SKAP2: variants seen among roughly 807,000 people sequenced by gnomAD.
SKAP2 encodes src kinase associated phosphoprotein 2, also known as src kinase-associated phosphoprotein 2.
Under a neutral mutation model 54.9 loss-of-function variants are expected in SKAP2, and 28 were observed. The ratio of observed to expected loss-of-function variants is 0.51; its 90% confidence interval spans 0.38 to 0.70. SKAP2 has a LOEUF of 0.70. SKAP2 is among the 30% of genes least tolerant of loss of function. The probability of loss-of-function intolerance (pLI) is 0.00; values close to 1 mark genes in which losing one functional copy is unlikely to be tolerated. For missense variants in SKAP2, 356 were observed against 424.1 expected (o/e 0.84, Z 1.41); for synonymous variants, 137 against 134.3 (o/e 1.02, Z -0.14).
intron 9 of SKAP2, among the ~76,000 whole-genome samples, chr7:26,718,209 G>C (rs1381740678): frequency 6.6e-6 from 1 of 151,716 alleles, no homozygotes; most frequent in Non-Finnish European, 1.5e-5. Context: ...TGAAAGAAAT[G>C]AAAGCAAGGA....
rs541350682 is a variant in SKAP2 at position 26,739,404 on chromosome 7, T to C, written c.385+483A>G. ...CTCCATATTTCATTTCCATTAAATATTGGTGTTGAAAGAGTGAGACCATAT... is the reference window on the plus strand; with the variant it reads ...CTCCATATTTCATTTCCATTAAATACTGGTGTTGAAAGAGTGAGACCATAT... On this transcript the variant is annotated intron_variant, in intron 5 of 12. Coordinates refer to ENST00000345317, the MANE Select transcript of SKAP2 (RefSeq NM_003930.5). Among the ~76,000 whole-genome samples the C allele has an allele frequency of 2.0e-5, 3 of 152,352 alleles. No homozygotes were observed. In the South Asian group the frequency reaches 6.2e-4, roughly 32 times the overall value.
rs373669324 is a variant in SKAP2, at chr7:26,738,835, A to G, written c.429T>C (p.Ala143=). ...LGFEWQKRWC[A]LSKTVFYYYG... is the part of the protein sequence containing the mutation. ...AATAATAGAATACCGTTTTACTGAG[A>G]GCACACCACCGTTTCTGCCATTCAA... is the stretch of plus-strand genomic sequence containing the variant. Residue 143 remains alanine (A), a synonymous_variant, in exon 6 of 13, where the codon GCT becomes GCC. Coordinates refer to ENST00000345317, the MANE Select transcript of SKAP2 (RefSeq NM_003930.5). The G allele has an allele frequency of 1.4e-5, 23 of 1,608,140 alleles. No individual in the cohort carries two copies. The highest frequency in any genetic ancestry group is 1.9e-5 in the Non-Finnish European group (22 of 1,174,988).
At chr7:26,854,251 T>C in intron 2 of SKAP2, 89 bp from the exon 3 acceptor site, 1 of 766,472 alleles carries the variant, frequency 1.3e-6, no homozygotes, top group Non-Finnish European at 2.1e-6. Flanking sequence ...AAAATCTATA[T>C]TAAAAATACA....
intron 4 of SKAP2, among the ~76,000 whole-genome samples, chr7:26,752,920 T>C (rs901295400): frequency 2.6e-5 from 4 of 152,206 alleles, no homozygotes; most frequent in African/African-American, 7.2e-5. Flanking sequence ...TTACTGAGAA[T>C]GATAAAATGC....
At position 26,667,138 on chromosome 7, in the gene SKAP2, G is replaced by T. The variant is rs1483845886; in HGVS notation, c.*2528C>A. Reference sequence around the variant, plus strand: ...TGGAACATTATTGTAAGATCTAATGGCAATAGAGTACAAATTCAGTACAGA... The same window carrying T: ...TGGAACATTATTGTAAGATCTAATGTCAATAGAGTACAAATTCAGTACAGA... On this transcript the variant is annotated 3_prime_UTR_variant, in exon 13 of 13. Transcript: ENST00000345317. 1 of 152,032 alleles carries T rather than the reference G, an allele frequency of 6.6e-6. No homozygotes were observed. The highest frequency in any genetic ancestry group is 1.9e-4 in the East Asian group (1 of 5,198). 9.4% of individuals were successfully genotyped at this position (152,032 alleles called of 1,614,324 possible). A position where few individuals can be genotyped will look rare whatever the true frequency, so the allele number is the denominator to read the frequency against.
chr7:26,697,683 T>G (rs1786925501), intron 9 of SKAP2, among the ~76,000 whole-genome samples: 1 of 152,076 alleles, frequency 6.6e-6, no homozygotes, highest in African/African-American at 2.4e-5. Context: ...TTCTTATTAT[T>G]CTTGTTACAA....
At chr7:26,850,850 T>C (rs550297348) in intron 3 of SKAP2, among the ~76,000 whole-genome samples, 1 of 152,206 alleles carries the variant, frequency 6.6e-6, no homozygotes, top group South Asian at 2.1e-4. Context: ...ATCTCTTCAA[T>C]AGGGGAATCA....
intron 4 of SKAP2, among the ~76,000 whole-genome samples, chr7:26,841,698 A>G (rs770164410): frequency 6.6e-6 from 1 of 152,032 alleles, no homozygotes; most frequent in Non-Finnish European, 1.5e-5. Context: ...ATTAAAGCAA[A>G]AGACAGACTT....
intron 4 of SKAP2, among the ~76,000 whole-genome samples, chr7:26,799,683 G>A (rs532459955): frequency 1.3e-5 from 2 of 152,218 alleles, no homozygotes; most frequent in African/African-American, 4.8e-5. Flanking sequence ...GAAACATCAG[G>A]CTTAATCTGC....
At chr7:26,802,669 T>C (rs573871003) in intron 4 of SKAP2, among the ~76,000 whole-genome samples, 4 of 151,822 alleles carry the variant, frequency 2.6e-5, no homozygotes, top group South Asian at 2.1e-4. Context: ...GATCACGAGG[T>C]CAAGAGATTG....
intron 10 of SKAP2, among the ~76,000 whole-genome samples, chr7:26,688,668 A>G (rs554900457): frequency 1.3e-5 from 2 of 152,340 alleles, no homozygotes; most frequent in Admixed American, 6.5e-5. Flanking sequence ...TAGCCATTGC[A>G]TGAAAGGCTA....
rs546886965 is a variant in SKAP2 at position 26,795,555 on chromosome 7, T to C, written c.307+48475A>G. ...TAGCAAGATACGATTCTCAGCACTG[T>C]AAGTGGAACAAAATTTTAGCCACCT... On this transcript the variant is annotated intron_variant, in intron 4 of 12. Transcript: ENST00000345317. 3.9e-5 allele frequency among the ~76,000 whole-genome samples: 6 copies of C among 152,286 alleles called. No homozygotes were observed. In the South Asian group the frequency reaches 1.2e-3, roughly 32 times the overall value.
chr7:26,836,007 G>A (rs1328521680), intron 4 of SKAP2, among the ~76,000 whole-genome samples: 1 of 151,988 alleles, frequency 6.6e-6, no homozygotes, highest in African/African-American at 2.4e-5. Context: ...ATAGACCAAC[G>A]GAACAGAAAA....
chr7:26,671,955 C>T (rs1446934371), intron 11 of SKAP2, among the ~76,000 whole-genome samples: 1 of 151,938 alleles, frequency 6.6e-6, no homozygotes, highest in African/African-American at 2.4e-5. Flanking sequence ...CTTAACGTTC[C>T]ACAGACTACT....
At chr7:26,760,022 G>C (rs984059188) in intron 4 of SKAP2, among the ~76,000 whole-genome samples, 2 of 152,138 alleles carry the variant, frequency 1.3e-5, no homozygotes, top group Non-Finnish European at 2.9e-5. Flanking sequence ...TAAGTAAAGT[G>C]CTCTGTGCTA....
rs1170062254 is a variant in SKAP2, at chr7:26,820,019, T to TA, written c.307+24010dup. On this transcript the variant is annotated intron_variant, in intron 4 of 12. Transcript: ENST00000345317. ...TTAAAATAAAAGTGCTCAGAAAATT[T>TA]AAAAAAATCAAATATAAGCCTGGCG... is the stretch of plus-strand genomic sequence containing the variant. Among the ~76,000 whole-genome samples, 9 of 152,054 alleles carry TA rather than the reference T, an allele frequency of 5.9e-5. 1 individual carries two copies. The highest frequency in any genetic ancestry group is 3.9e-4 in the Admixed American group (6 of 15,224).
chr7:26,837,078 C>G (rs1367494826), intron 4 of SKAP2, among the ~76,000 whole-genome samples: 1 of 152,146 alleles, frequency 6.6e-6, no homozygotes, highest in East Asian at 1.9e-4. Flanking sequence ...AGCAAACTAA[C>G]ACAAGAACAG....
intron 4 of SKAP2, among the ~76,000 whole-genome samples, chr7:26,828,136 G>T (rs17375390): frequency 6.6e-6 from 1 of 151,996 alleles, no homozygotes; most frequent in African/African-American, 2.4e-5. Flanking sequence ...GCCTGGCCCC[G>T]GAGAACCCAG....
intron 4 of SKAP2, among the ~76,000 whole-genome samples, chr7:26,783,385 C>A (rs1289719545): frequency 6.6e-6 from 1 of 151,920 alleles, no homozygotes; most frequent in Admixed American, 6.6e-5. Flanking sequence ...ACTCCCCTAC[C>A]CGTTTCCCCC....
Sources: allele counts gnomAD v4.1 joint callset (sites outside exome capture counted in the v4.1 genomes callset), GRCh38; gene constraint gnomAD v4.1.1; transcripts MANE v1.5; gene names NCBI Gene and HGNC (gene_info 2026-07-23, HGNC 2026-07-21).